MTCL1: variants seen among roughly 807,000 people sequenced by gnomAD.
MTCL1 encodes the protein microtubule crosslinking factor 1.
In MTCL1, 79 loss-of-function variants were observed where a neutral mutation model predicts 141.4. The observed-to-expected ratio is 0.56, with a 90% CI of 0.47 to 0.67. The LOEUF (loss-of-function observed/expected upper bound fraction) is 0.67. Among genes scored for constraint, MTCL1 ranks in the 30% least tolerant of loss-of-function variants. The probability of loss-of-function intolerance (pLI) is 0.00; values close to 1 mark genes in which losing one functional copy is unlikely to be tolerated. For synonymous variants in MTCL1, 914 were observed against 875.8 expected (o/e 1.04, Z -0.77); for missense variants, 2,177 against 2,113.9 (o/e 1.03, Z -0.59).
intron 7 of MTCL1, among the ~76,000 whole-genome samples, chr18:8,788,662 C>CTTT: frequency 6.6e-6 from 1 of 152,282 alleles, no homozygotes; most frequent in East Asian, 1.9e-4. Context: ...TAGCAGATTG[C>CTTT]AAATCTGGGC....
intron 7 of MTCL1, among the ~76,000 whole-genome samples, chr18:8,791,761 TAA>T (rs982271730): frequency 6.6e-6 from 1 of 152,182 alleles, no homozygotes; most frequent in African/African-American, 2.4e-5. Flanking sequence ...TGAATATGTA[TAA>T]GAGACTATAG....
intron 7 of MTCL1, among the ~76,000 whole-genome samples, chr18:8,792,778 G>A (rs2075779194): frequency 6.6e-6 from 1 of 152,194 alleles, no homozygotes; most frequent in Non-Finnish European, 1.5e-5. Context: ...GGTAAGAGAT[G>A]CAGGGCAGGT....
chr18:8,821,488 A>G (rs773104773), exon 14 of MTCL1: 1 of 1,424,554 alleles, frequency 7.0e-7, no homozygotes, highest in Non-Finnish European at 9.8e-7. Context: ...TCACAAAGGA[A>G]ATCTTCAAAG....
chr18:8,753,398 C>T (rs906914886), intron 4 of MTCL1, among the ~76,000 whole-genome samples: 9 of 152,176 alleles, frequency 5.9e-5, no homozygotes, highest in South Asian at 2.1e-4. Flanking sequence ...CCTACCATTC[C>T]GTGGATGCTG....
At chr18:8,722,793 C>T (rs1008858295) in intron 4 of MTCL1, among the ~76,000 whole-genome samples, 24 of 151,926 alleles carry the variant, frequency 1.6e-4, no homozygotes, top group African/African-American at 5.8e-4. Flanking sequence ...AACTGTAGAA[C>T]TATATTTTAT....
chr18:8,760,613 A>G (rs533744520), intron 4 of MTCL1, among the ~76,000 whole-genome samples: 4 of 152,100 alleles, frequency 2.6e-5, no homozygotes, highest in Non-Finnish European at 5.9e-5. Context: ...CCTTTTCTTC[A>G]TTCCTTTTTT....
chr18:8,710,181 G>A (rs1247525782), intron 1 of MTCL1, among the ~76,000 whole-genome samples: 2 of 152,170 alleles, frequency 1.3e-5, no homozygotes, highest in African/African-American at 4.8e-5. Flanking sequence ...ACAGAGAAGC[G>A]GACACCTTGT....
intron 4 of MTCL1, among the ~76,000 whole-genome samples, chr18:8,744,239 A>G (rs1456996767): frequency 6.6e-6 from 1 of 152,230 alleles, no homozygotes; most frequent in Admixed American, 6.5e-5. Flanking sequence ...GTTAGCTGCC[A>G]GGTCTCCGGT....
At chr18:8,733,466 C>T (rs112271898) in intron 4 of MTCL1, among the ~76,000 whole-genome samples, 9 of 152,108 alleles carry the variant, frequency 5.9e-5, no homozygotes, top group African/African-American at 2.2e-4. Flanking sequence ...AGTGAAGTGG[C>T]GTGATCTTGC....
rs142020212 is a variant in MTCL1, at chr18:8,763,223, C to T, written c.358-14610C>T. Reference sequence around the variant, plus strand: ...AAACAGAACTGAAACCAGGAGTTACCAGGGGGTTAGAAATCAAGGAAGAGG... The same window carrying T: ...AAACAGAACTGAAACCAGGAGTTACTAGGGGGTTAGAAATCAAGGAAGAGG... On this transcript the variant is annotated intron_variant, in intron 4 of 16. Transcript: ENST00000359865. Among the ~76,000 whole-genome samples, 44 of 152,270 alleles carry T rather than the reference C, an allele frequency of 2.9e-4. 2 individuals are homozygous for T. The highest frequency in any genetic ancestry group is 1.0e-3 in the African/African-American group (42 of 41,536).
chr18:8,775,000 G>A (rs2096500360), intron 4 of MTCL1, among the ~76,000 whole-genome samples: 1 of 152,046 alleles, frequency 6.6e-6, no homozygotes, highest in Non-Finnish European at 1.5e-5. Flanking sequence ...TCCATCCAAG[G>A]GCTCCCACCC....
chr18:8,751,566 C>T (rs1048335634), intron 4 of MTCL1, among the ~76,000 whole-genome samples: 2 of 152,210 alleles, frequency 1.3e-5, no homozygotes, highest in African/African-American at 4.8e-5. Flanking sequence ...ACTCTAAAAA[C>T]AAACGCTTTT....
chr18:8,800,388 T>C (rs1203354572), intron 10 of MTCL1: 1 of 152,230 alleles, frequency 6.6e-6, no homozygotes, highest in African/African-American at 2.4e-5. Flanking sequence ...ATATGGAACG[T>C]TCTCACAATT....
intron 13 of MTCL1, among the ~76,000 whole-genome samples, 198 bp from the exon 13 acceptor site, chr18:8,821,269 A>G (rs896947932): frequency 6.6e-6 from 1 of 152,176 alleles, no homozygotes; most frequent in East Asian, 1.9e-4. Context: ...CCAGCCCCTC[A>G]TCATGCTGTG....
At chr18:8,799,296 G>A (rs563610) in intron 10 of MTCL1, among the ~76,000 whole-genome samples, 120,273 of 152,224 alleles carry the variant, frequency 0.79, 47,794 homozygotes, top group Admixed American at 0.87. Flanking sequence ...GAGGACAGGC[G>A]GCAACCTTCT....
exon 6 of MTCL1, chr18:8,784,673 G>T (rs749117532): frequency 3.7e-6 from 6 of 1,614,048 alleles, no homozygotes; most frequent in Middle Eastern, 3.3e-4. Context: ...CAAGATGAAG[G>T]CTTTCAAGAA....
intron 4 of MTCL1, among the ~76,000 whole-genome samples, chr18:8,724,279 C>T (rs1259189923): frequency 2.6e-5 from 4 of 151,924 alleles, no homozygotes; most frequent in Middle Eastern, 3.2e-3. Context: ...GGCGTGGTGG[C>T]GCACACCTGT....
chr18:8,748,886 CCTT>C (rs751053397), intron 4 of MTCL1, among the ~76,000 whole-genome samples: 4 of 151,982 alleles, frequency 2.6e-5, no homozygotes, highest in Non-Finnish European at 5.9e-5. Context: ...GATCACAGCT[CCTT>C]CTTGGGGGTC....
intron 4 of MTCL1, among the ~76,000 whole-genome samples, chr18:8,776,829 A>G (rs1053543303): frequency 2.0e-5 from 3 of 152,070 alleles, no homozygotes; most frequent in Admixed American, 2.0e-4. Flanking sequence ...AGGCCTGATC[A>G]TAGCTCATTG....
Sources: gnomAD v4.1 joint callset for allele counts (sites outside exome capture counted in the v4.1 genomes callset) on GRCh38, gnomAD v4.1.1 for gene constraint, MANE v1.5 for transcripts, NCBI Gene and HGNC (gene_info 2026-07-23, HGNC 2026-07-21) for gene names.